SLC44A1: variants seen among roughly 807,000 people sequenced by gnomAD.
SLC44A1 encodes the protein solute carrier family 44 member 1.
In SLC44A1, 26 loss-of-function variants were observed where a neutral mutation model predicts 79.3. That is an observed-to-expected ratio of 0.33 (90% CI 0.24 to 0.46). The LOEUF (loss-of-function observed/expected upper bound fraction) is 0.46, where lower values mean the gene tolerates loss of function less well. SLC44A1 is among the 20% of genes least tolerant of loss of function. SLC44A1 has a pLI of 1.00. For synonymous variants in SLC44A1, 263 were observed against 286.2 expected (o/e 0.92, Z 0.82); for missense variants, 688 against 798.1 (o/e 0.86, Z 1.66).
intron 1 of SLC44A1, among the ~76,000 whole-genome samples, chr9:105,254,929 C>A (rs1385309411): frequency 6.6e-6 from 1 of 152,082 alleles, no homozygotes; most frequent in Non-Finnish European, 1.5e-5. Context: ...GTGTTTATCT[C>A]TGTTTCAAAA....
intron 15 of SLC44A1, among the ~76,000 whole-genome samples, chr9:105,422,065 C>G (rs960731656): frequency 6.6e-6 from 1 of 152,170 alleles, no homozygotes; most frequent in Non-Finnish European, 1.5e-5. Flanking sequence ...GTTGGACTCT[C>G]CTACCTGAGT....
At chr9:105,357,404 A>T (rs1387620168) in intron 6 of SLC44A1, among the ~76,000 whole-genome samples, 1 of 152,218 alleles carries the variant, frequency 6.6e-6, no homozygotes, top group African/African-American at 2.4e-5. Flanking sequence ...AAAACTAAAG[A>T]TCCAATTAAA....
At chr9:105,366,276 C>A in intron 11 of SLC44A1, 70 bp from the exon 12 acceptor site, 1 of 733,404 alleles carries the variant, frequency 1.4e-6, no homozygotes, top group Non-Finnish European at 2.2e-6. Flanking sequence ...ATTTTTCTAA[C>A]GTTTGAAGTC....
chr9:105,335,971 C>G (rs1208036036), intron 4 of SLC44A1, among the ~76,000 whole-genome samples: 14 of 152,212 alleles, frequency 9.2e-5, no homozygotes, highest in African/African-American at 3.1e-4. Context: ...TTGATGTAGT[C>G]TATCGAGTAT....
chr9:105,278,546 C>T (rs1369399161), intron 1 of SLC44A1, among the ~76,000 whole-genome samples: 1 of 152,098 alleles, frequency 6.6e-6, no homozygotes, highest in African/African-American at 2.4e-5. Context: ...CCGCGCCTGG[C>T]CTTTTTGAAT....
intron 1 of SLC44A1, among the ~76,000 whole-genome samples, chr9:105,270,137 C>T (rs547702618): frequency 2.0e-5 from 3 of 152,032 alleles, no homozygotes; most frequent in Non-Finnish European, 4.4e-5. Flanking sequence ...GGAGAGATCA[C>T]AACACATGAC....
intron 13 of SLC44A1, among the ~76,000 whole-genome samples, chr9:105,375,600 C>T (rs1345317811): frequency 6.6e-6 from 1 of 152,132 alleles, no homozygotes; most frequent in Non-Finnish European, 1.5e-5. Context: ...GAGTGCTTGA[C>T]ACATTTTAAG....
chr9:105,428,741 G>T (rs754358606), intron 15 of SLC44A1, among the ~76,000 whole-genome samples: 2 of 152,000 alleles, frequency 1.3e-5, no homozygotes, highest in African/African-American at 2.4e-5. Context: ...TTCCCATTGC[G>T]CAGGCTGGAG....
intron 15 of SLC44A1, among the ~76,000 whole-genome samples, chr9:105,432,384 C>T (rs1290416047): frequency 2.6e-5 from 4 of 152,174 alleles, no homozygotes; most frequent in Admixed American, 6.5e-5. Flanking sequence ...TTGTGTATAA[C>T]GGAATGTTTG....
intron 13 of SLC44A1, among the ~76,000 whole-genome samples, chr9:105,377,556 G>T (rs181219563): frequency 6.6e-6 from 1 of 151,678 alleles, no homozygotes; most frequent in Admixed American, 6.6e-5. Flanking sequence ...TTCAAGACCA[G>T]CCTGGCCAAC....
At chr9:105,398,102 C>T (rs1564051812), downstream of SLC44A1, among the ~76,000 whole-genome samples, 1 of 152,124 alleles carries the variant, frequency 6.6e-6, no homozygotes, top group Non-Finnish European at 1.5e-5. Context: ...GTGTGGTGTG[C>T]CATCATTTAG....
intron 2 of SLC44A1, among the ~76,000 whole-genome samples, chr9:105,307,664 G>T (rs1360700358): frequency 2.0e-5 from 3 of 150,846 alleles, no homozygotes; most frequent in African/African-American, 7.4e-5. Flanking sequence ...AAAAAAATGT[G>T]TTGGAAAGGT....
intron 15 of SLC44A1, among the ~76,000 whole-genome samples, chr9:105,406,004 G>A (rs546649877): frequency 7.2e-5 from 11 of 152,260 alleles, no homozygotes; most frequent in East Asian, 3.9e-4. Flanking sequence ...ACAAACGTTC[G>A]CTTCTGGCTA....
intron 4 of SLC44A1, among the ~76,000 whole-genome samples, chr9:105,338,397 A>G (rs1230534555): frequency 6.6e-6 from 1 of 152,080 alleles, no homozygotes; most frequent in Non-Finnish European, 1.5e-5. Context: ...TTGTCTTTTT[A>G]AGTTATCTGG....
intron 5 of SLC44A1, among the ~76,000 whole-genome samples, chr9:105,355,628 T>C (rs998451245): frequency 1.3e-5 from 2 of 152,238 alleles, no homozygotes. Flanking sequence ...AGCTGCCTAT[T>C]ATGCTGTTTG....
chr9:105,307,973 C>A (rs1345571042), intron 2 of SLC44A1, among the ~76,000 whole-genome samples: 1 of 152,156 alleles, frequency 6.6e-6, no homozygotes, highest in African/African-American at 2.4e-5. Context: ...CTGCTGCTAG[C>A]AGTTTGTGCT....
chr9:105,363,460 G>T (rs1253116551), intron 9 of SLC44A1, among the ~76,000 whole-genome samples: 1 of 151,820 alleles, frequency 6.6e-6, no homozygotes, highest in African/African-American at 2.4e-5. Context: ...GTGAGCCACC[G>T]CACCTGGCCT....
At chr9:105,358,556 T>G (rs1391389711) in intron 7 of SLC44A1, 123 bp downstream of exon 7, 5 of 650,432 alleles carry the variant, frequency 7.7e-6, no homozygotes, top group Non-Finnish European at 1.3e-5. Context: ...GACTGTTAAT[T>G]TTTGCCTTAA....
intron 5 of SLC44A1, among the ~76,000 whole-genome samples, chr9:105,351,398 G>A (rs148165654): frequency 3.9e-5 from 6 of 152,006 alleles, no homozygotes; most frequent in African/African-American, 1.5e-4. Flanking sequence ...GCTGGGTATG[G>A]TGGTGCATGC....
Sources: gnomAD v4.1 joint callset for allele counts (sites outside exome capture counted in the v4.1 genomes callset) on GRCh38, gnomAD v4.1.1 for gene constraint, MANE v1.5 for transcripts, NCBI Gene and HGNC (gene_info 2026-07-23, HGNC 2026-07-21) for gene names.